SLC15A2: variants seen among roughly 807,000 people sequenced by gnomAD.
SLC15A2 encodes the protein solute carrier family 15 member 2, also known as kidney H(+)/peptide cotransporter.
In SLC15A2, 77 loss-of-function variants were observed where a neutral mutation model predicts 95.5. The ratio of observed to expected loss-of-function variants is 0.81; its 90% CI spans 0.67 to 0.97. The LOEUF (loss-of-function observed/expected upper bound fraction) is 0.97. Among genes scored for constraint, SLC15A2 ranks in the 50% least tolerant of loss-of-function variants. The probability of loss-of-function intolerance (pLI) is 0.00; values close to 1 mark genes in which losing one functional copy is unlikely to be tolerated. For missense variants in SLC15A2, 893 were observed against 874.4 expected (o/e 1.02, Z -0.27); for synonymous variants, 306 against 306.9 (o/e 1.00, Z 0.03).
chr3:121,922,258 C>T lies in SLC15A2; in HGVS notation c.736C>T (p.Pro246Ser). ...AMGSKIYNKP[P>S]PEGNIVAQVF... is the part of the protein sequence containing the mutation. The stretch of plus-strand genomic sequence containing the variant: ...GGGAAGCAAAATATACAATAAACCA[C>T]CCCCTGAAGGAAACATAGTGGCTCA... The change falls in exon 8 of 22, where the codon CCC becomes TCC. Residue 246 changes from proline (P) to serine (S), a missense_variant. Pro to Ser is a moderately conservative substitution (Grantham distance 74, BLOSUM62 -1). Transcript: ENST00000489711. 6.2e-7 allele frequency: 1 copy of T among 1,613,842 alleles called. No individual in the cohort carries two copies. The highest frequency in any genetic ancestry group is 1.7e-5 in the Admixed American group (1 of 60,018).
At chr3:121,913,957 G>A (rs532372527) in intron 5 of SLC15A2, among the ~76,000 whole-genome samples, 14 of 125,202 alleles carry the variant, frequency 1.1e-4, no homozygotes, top group African/African-American at 2.8e-4. Context: ...CCCACCTCCC[G>A]CCACTCTCTC....
rs910541049 is a variant in SLC15A2, at chr3:121,900,162, C to T, written c.335+2633C>T. 2.0e-5 allele frequency among the ~76,000 whole-genome samples: 3 copies of T among 152,154 alleles called. No homozygotes were observed. The East Asian group carries it at 5.8e-4, about 29-fold the overall frequency. On this transcript the variant is annotated intron_variant, in intron 3 of 21. Transcript: ENST00000489711. The stretch of plus-strand genomic sequence containing the variant: ...GGATATTAGCTATATGCAGATGGCT[C>T]CTCAAATTCCAGTGAATTACATATT...
In SLC15A2 at chr3:121,900,446, G is replaced by A. The variant is rs118037272; in HGVS notation, c.335+2917G>A. Among the ~76,000 whole-genome samples, 19 of 152,150 alleles carry A rather than the reference G, an allele frequency of 1.2e-4. No individual in the cohort carries two copies. In the East Asian group the frequency reaches 3.5e-3, roughly 28 times the overall value. On this transcript the variant is annotated intron_variant, in intron 3 of 21. Coordinates refer to ENST00000489711, the MANE Select transcript of SLC15A2 (RefSeq NM_021082.4). ...CTTTTTCCTACAATTGAGCATATAT[G>A]CTACTGCCAAATTAATTTTCCTAAA...
chr3:121,896,240 G>C (rs1473387189), intron 1 of SLC15A2, among the ~76,000 whole-genome samples, 166 bp from the exon 2 acceptor site: 1 of 152,134 alleles, frequency 6.6e-6, no homozygotes, highest in African/African-American at 2.4e-5. Flanking sequence ...AGTAATATAA[G>C]CACTTTTAGT....
chr3:121,915,083 C>A, intron 5 of SLC15A2, 144 bp from the exon 6 acceptor site: 1 of 1,144,832 alleles, frequency 8.7e-7, no homozygotes, highest in Non-Finnish European at 1.2e-6. Context: ...TTTTAAATAT[C>A]TATTAATAAT....
At chr3:121,924,435 C>T (rs1037704260) in intron 12 of SLC15A2, 52 bp downstream of exon 12, 14 of 1,441,898 alleles carry the variant, frequency 9.7e-6, no homozygotes, top group Non-Finnish European at 1.4e-5. Context: ...TTATCTATGC[C>T]TCCACCTGCA....
chr3:121,922,689 G>C, intron 8 of SLC15A2, 86 bp from the exon 9 acceptor site: 1 of 822,538 alleles, frequency 1.2e-6, no homozygotes, highest in South Asian at 1.8e-5. Context: ...TAGAAGTATG[G>C]TGTTTGAAGG....
At position 121,941,045 on chromosome 3, in the gene SLC15A2, C is replaced by T. The variant is rs1318732225; in HGVS notation, c.*38C>T. ...TTCTGTCCTGACCCCAATTCCTGGC[C>T]CTGTCTTGAAGCATTTTTTTTCTTC... On this transcript the variant is annotated 3_prime_UTR_variant, in exon 22 of 22. Coordinates refer to ENST00000489711, the MANE Select transcript of SLC15A2 (RefSeq NM_021082.4). 8 of 1,583,068 alleles carry T rather than the reference C, an allele frequency of 5.1e-6. No homozygotes were observed. Among genetic ancestry groups the T allele is most frequent in the Non-Finnish European group, 6.9e-6 (8 of 1,165,720 alleles).
At position 121,922,282 on chromosome 3, in the gene SLC15A2, C is replaced by T; in HGVS notation, c.760C>T (p.Gln254Ter). Reference protein sequence around the residue: ...KPPPEGNIVAQVFKCIWFAIS... With the variant: ...KPPPEGNIVA ...ACCCCCTGAAGGAAACATAGTGGCT[C>T]AAGTTTTCAAATGTATCTGGGTAAG... is the stretch of plus-strand genomic sequence containing the variant. The change falls in exon 8 of 22, where the codon CAA becomes TAA. Residue 254 changes from glutamine to a stop codon, truncating the protein, a stop_gained. Coordinates refer to ENST00000489711, the MANE Select transcript of SLC15A2 (RefSeq NM_021082.4). LOFTEE classifies it high-confidence loss of function. 1 of 1,613,818 alleles carries T rather than the reference C, an allele frequency of 6.2e-7. No homozygotes were observed. Among genetic ancestry groups the T allele is most frequent in the Non-Finnish European group, 8.5e-7 (1 of 1,179,796 alleles).
intron 3 of SLC15A2, among the ~76,000 whole-genome samples, chr3:121,899,992 G>A (rs999941735): frequency 6.6e-5 from 10 of 151,778 alleles, no homozygotes; most frequent in South Asian, 6.2e-4. Context: ...TCTCACTCTC[G>A]TCCTCTTATA....
intron 17 of SLC15A2, 63 bp downstream of exon 17, chr3:121,929,411 TTTGGGGCTGCATTCTAC>T: frequency 6.5e-7 from 1 of 1,531,058 alleles, no homozygotes; most frequent in Admixed American, 1.7e-5. Context: ...TCTTCTAATC[TTTGGGGCTGCATTCTAC>T]TTGTTCTGAA....
chr3:121,939,164 G>A (rs1000860065), intron 19 of SLC15A2, 185 bp from the exon 20 acceptor site: 52 of 408,362 alleles, frequency 1.3e-4, no homozygotes, highest in South Asian at 2.2e-4. Context: ...GAATCTAGGC[G>A]AGTGAGCATA....
At chr3:121,911,054 C>T (rs1228940420) in intron 3 of SLC15A2, among the ~76,000 whole-genome samples, 1 of 152,156 alleles carries the variant, frequency 6.6e-6, no homozygotes, top group Non-Finnish European at 1.5e-5. Flanking sequence ...TTTTTACCTC[C>T]CAGTGCTTCT....
At position 121,940,339 on chromosome 3, in the gene SLC15A2, G is replaced by T. The variant is rs565369073; in HGVS notation, c.1909-45G>T. On this transcript the variant is annotated intron_variant, in intron 20 of 21. Coordinates refer to ENST00000489711, the MANE Select transcript of SLC15A2 (RefSeq NM_021082.4). ...TTTCCTGGATGCATGGGGCATGAGGGCAGTGAAGGGGGTTTGTTTACTTTC... is the reference window on the plus strand; with the variant it reads ...TTTCCTGGATGCATGGGGCATGAGGTCAGTGAAGGGGGTTTGTTTACTTTC... 16 of 1,440,484 alleles carry T rather than the reference G, an allele frequency of 1.1e-5. No individual in the cohort carries two copies. The East Asian group carries it at 2.3e-4, about 21-fold the overall frequency. The allele number at this position is 1,440,484 out of a possible 1,614,324, so 89.2% of individuals were successfully genotyped here.
At chr3:121,918,246 T>A (rs2107590894) in intron 7 of SLC15A2, among the ~76,000 whole-genome samples, 1 of 152,316 alleles carries the variant, frequency 6.6e-6, no homozygotes, top group Middle Eastern at 3.4e-3. Context: ...GTTAGATATG[T>A]TAAGTGAGGG....
At position 121,897,245 on chromosome 3, in the gene SLC15A2, C is replaced by T. The variant is rs1709435103; in HGVS notation, c.194-143C>T. On this transcript the variant is annotated intron_variant, in intron 2 of 21. Coordinates refer to ENST00000489711, the MANE Select transcript of SLC15A2 (RefSeq NM_021082.4). ...CCCTGCTTCTACTGCCTGGCAGTCA[C>T]TTCTCAGTCATGTCACTGATAGGAG... 5.6e-6 allele frequency: 5 copies of T among 894,458 alleles called. No individual in the cohort carries two copies. In the South Asian group the frequency reaches 6.7e-5, roughly 12 times the overall value. 55.4% of individuals were successfully genotyped at this position (894,458 alleles called of 1,614,324 possible).
At chr3:121,907,378 C>T (rs1029502319) in intron 3 of SLC15A2, among the ~76,000 whole-genome samples, 1 of 152,220 alleles carries the variant, frequency 6.6e-6, no homozygotes, top group Admixed American at 6.5e-5. Context: ...ATTCTCCGTC[C>T]AGCTTTGTTC....
intron 3 of SLC15A2, among the ~76,000 whole-genome samples, chr3:121,908,782 T>C (rs1350257700): frequency 3.0e-4 from 46 of 152,234 alleles, no homozygotes; most frequent in South Asian, 2.1e-4. Flanking sequence ...TCTTCCATTT[T>C]CTTTTTCCAC....
rs545607090 is a variant in SLC15A2 at position 121,923,395 on chromosome 3, G to T, written c.1002+129G>T. On this transcript the variant is annotated intron_variant, in intron 11 of 21. Transcript: ENST00000489711. ...TCAGAGAAGTGCTTTTAGCCTGAAG[G>T]TACCGTGTAGGCAAAGATAAAGAAA... 51 of 851,544 alleles carry T rather than the reference G, an allele frequency of 6.0e-5. 1 individual carries two copies. In the South Asian group the frequency reaches 8.3e-4, roughly 14 times the overall value. The allele number at this position is 851,544 out of a possible 1,614,324, so 52.7% of individuals were successfully genotyped here.
Sources: allele counts gnomAD v4.1 joint callset (sites outside exome capture counted in the v4.1 genomes callset), GRCh38; gene constraint gnomAD v4.1.1; transcripts MANE v1.5; gene names NCBI Gene and HGNC (gene_info 2026-07-23, HGNC 2026-07-21).